ABLIM2: variants seen among roughly 807,000 people sequenced by gnomAD.
ABLIM2 encodes actin-binding LIM protein 2.
ABLIM2 carries 53 observed loss-of-function variants against 97.7 expected under a neutral mutation model. The observed-to-expected ratio is 0.54, with a 90% CI of 0.44 to 0.68. The LOEUF (loss-of-function observed/expected upper bound fraction) is 0.68. Ranked by LOEUF, ABLIM2 falls within the 30% of genes least tolerant of loss-of-function variation. The pLI is 0.00. For missense variants in ABLIM2, 835 were observed against 867.2 expected, an observed-to-expected ratio of 0.96 and a Z score of 0.47; for synonymous variants, 361 against 345.8, an observed-to-expected ratio of 1.04 and a Z score of -0.49.
At chr4:8,056,626 T>C (rs1023737593) in intron 7 of ABLIM2, among the ~76,000 whole-genome samples, 1 of 150,446 alleles carries the variant, frequency 6.6e-6, no homozygotes, top group Non-Finnish European at 1.5e-5. Context: ...ATATCCTACA[T>C]ATTTGCTTAA....
At chr4:8,139,416 AC>A (rs1850646669) in intron 1 of ABLIM2, among the ~76,000 whole-genome samples, 1 of 152,242 alleles carries the variant, frequency 6.6e-6, no homozygotes, top group Non-Finnish European at 1.5e-5. Flanking sequence ...CAAGAAAAAA[AC>A]AACCCCATCA....
chr4:8,104,731 C>T (rs1272468719), intron 2 of ABLIM2, among the ~76,000 whole-genome samples: 1 of 152,184 alleles, frequency 6.6e-6, no homozygotes, highest in Non-Finnish European at 1.5e-5. Flanking sequence ...GCTCCAAGTG[C>T]CGCGCTGTGG....
chr4:8,077,236 T>C (rs1024881379), intron 6 of ABLIM2, among the ~76,000 whole-genome samples: 6 of 152,294 alleles, frequency 3.9e-5, no homozygotes, highest in South Asian at 2.1e-4. Context: ...CCCTGCATAA[T>C]TGCTATCTGC....
chr4:8,059,716 A>C (rs1024084620), intron 7 of ABLIM2, among the ~76,000 whole-genome samples: 2 of 151,990 alleles, frequency 1.3e-5, no homozygotes, highest in Non-Finnish European at 2.9e-5. Context: ...AGCCCGACCA[A>C]CATGATGAAA....
chr4:8,057,338 T>A (rs1799955187), intron 7 of ABLIM2, among the ~76,000 whole-genome samples: 1 of 152,162 alleles, frequency 6.6e-6, no homozygotes, highest in Non-Finnish European at 1.5e-5. Flanking sequence ...CATCCACCTC[T>A]GCCTCCCAAA....
chr4:8,115,626 C>T (rs369866078), intron 1 of ABLIM2, among the ~76,000 whole-genome samples: 13 of 152,336 alleles, frequency 8.5e-5, no homozygotes, highest in Non-Finnish European at 1.8e-4. Flanking sequence ...GAGCTCCCCA[C>T]GGGCTGTCTG....
At chr4:7,988,305 G>A (rs1746027976) in intron 17 of ABLIM2, among the ~76,000 whole-genome samples, 2 of 152,234 alleles carry the variant, frequency 1.3e-5, no homozygotes, top group Non-Finnish European at 2.9e-5. Flanking sequence ...TTACAGGCGT[G>A]AACCACCACG....
chr4:7,982,343 C>T (rs959227454), intron 20 of ABLIM2, among the ~76,000 whole-genome samples: 6 of 152,220 alleles, frequency 3.9e-5, no homozygotes, highest in Non-Finnish European at 8.8e-5. Flanking sequence ...TCAGGAGCCT[C>T]AAGACCCTTC....
intron 17 of ABLIM2, among the ~76,000 whole-genome samples, chr4:7,985,749 C>T (rs1441048448): frequency 6.6e-6 from 1 of 152,178 alleles, no homozygotes; most frequent in Non-Finnish European, 1.5e-5. Context: ...CCCGAGAGCT[C>T]CTGCACCTGT....
At position 8,127,720 on chromosome 4, in the gene ABLIM2, A is replaced by G; in HGVS notation, c.11-21083T>C. On this transcript the variant is annotated intron_variant, in intron 1 of 20. Transcript: ENST00000447017. This position sits in a 1 kb window ranked among gnomAD's most constrained non-coding sequence, Gnocchi z 7.3. Reference sequence around the variant, plus strand: ...CCCACAAGGTCACGTGGCAGCTGCCACCCTCTGCCCGGGGAGGGGCAGAGC... The same window carrying G: ...CCCACAAGGTCACGTGGCAGCTGCCGCCCTCTGCCCGGGGAGGGGCAGAGC... The G allele has an allele frequency of 1.6e-6, 2 of 1,222,906 alleles. No homozygotes were observed. The highest frequency in any genetic ancestry group is 1.1e-6 in the Non-Finnish European group (1 of 951,514). 75.8% of individuals were successfully genotyped at this position (1,222,906 alleles called of 1,614,324 possible).
intron 1 of ABLIM2, among the ~76,000 whole-genome samples, chr4:8,108,188 A>AG (rs531787507): frequency 3.3e-5 from 5 of 152,232 alleles, no homozygotes; most frequent in Non-Finnish European, 7.3e-5. Context: ...TGGGGGACGC[A>AG]GGGGCAGAGG....
chr4:8,023,713 C>T lies in ABLIM2; in HGVS notation c.1268-3410G>A, dbSNP rs1775505565. Among the ~76,000 whole-genome samples the T allele has an allele frequency of 6.6e-6, 1 of 152,234 alleles. No individual in the cohort carries two copies. ...CTCCTGGAGGACGAGGCATCTACTCCCGTTATTTGGAATTCCTCTGTGTGG... is the reference window on the plus strand; with the variant it reads ...CTCCTGGAGGACGAGGCATCTACTCTCGTTATTTGGAATTCCTCTGTGTGG... On this transcript the variant is annotated intron_variant, in intron 12 of 20. Transcript: ENST00000447017. The surrounding 1 kb of genome is among the most constrained non-coding windows in gnomAD (Gnocchi z 5.7).
chr4:8,026,283 T>C (rs1777277733), intron 12 of ABLIM2, among the ~76,000 whole-genome samples: 2 of 152,228 alleles, frequency 1.3e-5, no homozygotes, highest in African/African-American at 2.4e-5. Context: ...ATTACAGGTA[T>C]GAGCCATTGC....
chr4:7,980,950 T>TTTTTC (rs1737812575), intron 20 of ABLIM2, among the ~76,000 whole-genome samples: 1 of 127,942 alleles, frequency 7.8e-6, no homozygotes, highest in Non-Finnish European at 1.6e-5. Context: ...TATTTTTTTT[T>TTTTTC]TTTTTTTTTT....
In ABLIM2 at chr4:8,068,036, CTG is replaced by C. The variant is rs1809175213; in HGVS notation, c.676-6984_676-6983del. Among the ~76,000 whole-genome samples the C allele has an allele frequency of 6.6e-6, 1 of 152,148 alleles. No individual in the cohort carries two copies. The highest frequency in any genetic ancestry group is 1.5e-5 in the Non-Finnish European group (1 of 68,010). Reference sequence around the variant, plus strand: ...CAAAAATTAGAAGTGTCCTCATTCCCTGTGTCACCTCCTGTTGTCATTCCCAT... The same window carrying C: ...CAAAAATTAGAAGTGTCCTCATTCCCTGTCACCTCCTGTTGTCATTCCCAT... On this transcript the variant is annotated intron_variant, in intron 6 of 20. Transcript: ENST00000447017. The surrounding 1 kb of genome is among the most constrained non-coding windows in gnomAD (Gnocchi z 4.5).
At chr4:8,107,233 A>C (rs560967609) in intron 1 of ABLIM2, among the ~76,000 whole-genome samples, 1 of 152,322 alleles carries the variant, frequency 6.6e-6, no homozygotes, top group South Asian at 2.1e-4. Context: ...GAGTGGATGG[A>C]TGGACAGGTC....
chr4:8,027,704 A>T, intron 12 of ABLIM2, 55 bp downstream of exon 12: 3 of 1,383,850 alleles, frequency 2.2e-6, no homozygotes, highest in Non-Finnish European at 2.9e-6. Flanking sequence ...GAGCACACAG[A>T]CGCCGGGCGT....
chr4:8,061,165 C>T lies in ABLIM2; in HGVS notation c.676-111G>A. On this transcript the variant is annotated intron_variant, in intron 6 of 20. Coordinates refer to ENST00000447017, the MANE Select transcript of ABLIM2 (RefSeq NM_001130083.2). This position sits in a 1 kb window ranked among gnomAD's most constrained non-coding sequence, Gnocchi z 4.5. ...CCTGAGCACAGGTACTCAGGGGATA[C>T]TGGAAGGGCCAGCCCCCACCATCGG... The T allele has an allele frequency of 2.2e-6, 2 of 895,376 alleles. No individual in the cohort carries two copies. Among genetic ancestry groups the T allele is most frequent in the Non-Finnish European group, 3.5e-6 (2 of 577,508 alleles). 55.5% of individuals were successfully genotyped at this position (895,376 alleles called of 1,614,324 possible). A position where few individuals can be genotyped will look rare whatever the true frequency, so the allele number is the denominator to read the frequency against.
chr4:8,102,360 T>A (rs943657140), intron 2 of ABLIM2, among the ~76,000 whole-genome samples: 1 of 152,178 alleles, frequency 6.6e-6, no homozygotes, highest in African/African-American at 2.4e-5. Context: ...CATCTTTCCT[T>A]CCCTAGCAGG....
Sources: allele counts gnomAD v4.1 joint callset (sites outside exome capture counted in the v4.1 genomes callset), GRCh38; gene constraint gnomAD v4.1.1; non-coding constraint Gnocchi (gnomAD v3.1); transcripts MANE v1.5; gene names NCBI Gene and HGNC (gene_info 2026-07-23, HGNC 2026-07-21).